Variants in NELL1 observed in about 807,000 individuals in gnomAD.
NELL1 encodes the protein neural EGFL like 1.
In NELL1, 76 loss-of-function variants were observed where a neutral mutation model predicts 107.4. The ratio of observed to expected loss-of-function variants is 0.71; its 90% CI spans 0.59 to 0.86. The LOEUF (loss-of-function observed/expected upper bound fraction) is 0.86, where lower values mean the gene tolerates loss of function less well. Ranked by LOEUF, NELL1 falls within the 40% of genes least tolerant of loss-of-function variation. NELL1 has a pLI of 0.00. For missense variants in NELL1, 1,024 were observed against 1,005.5 expected (o/e 1.02, Z -0.25); for synonymous variants, 353 against 341.2 (o/e 1.03, Z -0.38).
intron 7 of NELL1, among the ~76,000 whole-genome samples, chr11:20,926,549 A>G (rs1850500352): frequency 6.6e-6 from 1 of 152,212 alleles, no homozygotes. Flanking sequence ...ATGTTCCTCC[A>G]CTGGAGATGT....
chr11:21,455,775 G>C (rs2133864794), intron 15 of NELL1, among the ~76,000 whole-genome samples: 1 of 151,978 alleles, frequency 6.6e-6, no homozygotes, highest in East Asian at 1.9e-4. Context: ...CTCATCTTTG[G>C]AAAGATGCCA....
intron 12 of NELL1, among the ~76,000 whole-genome samples, chr11:20,967,106 T>C (rs573632359): frequency 6.6e-6 from 1 of 152,150 alleles, no homozygotes; most frequent in Non-Finnish European, 1.5e-5. Flanking sequence ...TTGCAAGATA[T>C]ATGCAGAAAT....
At chr11:21,547,280 C>T (rs12421934) in intron 16 of NELL1, among the ~76,000 whole-genome samples, 28,891 of 151,748 alleles carry the variant, frequency 0.19, 3,511 homozygotes, top group African/African-American at 0.34. Flanking sequence ...CAGGACGTGA[C>T]AGCAGCCTGA....
intron 15 of NELL1, among the ~76,000 whole-genome samples, chr11:21,450,695 C>G (rs118088051): frequency 6.6e-6 from 1 of 151,990 alleles, no homozygotes; most frequent in African/African-American, 2.4e-5. Flanking sequence ...GGAAGAAAGC[C>G]GAATCTGGAC....
intron 2 of NELL1, among the ~76,000 whole-genome samples, chr11:20,707,993 C>G (rs1367825534): frequency 6.6e-6 from 1 of 152,202 alleles, no homozygotes; most frequent in Non-Finnish European, 1.5e-5. Flanking sequence ...GTGGGCTCCA[C>G]CCAGTTGGAG....
intron 2 of NELL1, among the ~76,000 whole-genome samples, chr11:20,693,609 T>C (rs1033864756): frequency 6.6e-6 from 1 of 152,198 alleles, no homozygotes; most frequent in African/African-American, 2.4e-5. Flanking sequence ...CGTTGAATAT[T>C]GGCCCCCACT....
intron 5 of NELL1, among the ~76,000 whole-genome samples, chr11:20,903,142 A>G (rs2134134996): frequency 6.6e-6 from 1 of 152,222 alleles, no homozygotes; most frequent in East Asian, 1.9e-4. Flanking sequence ...GATAATCCAC[A>G]TATATATGTG....
chr11:21,122,981 G>A (rs966887138), intron 13 of NELL1, among the ~76,000 whole-genome samples: 4 of 152,230 alleles, frequency 2.6e-5, no homozygotes, highest in African/African-American at 7.2e-5. Context: ...CAGTATGATA[G>A]TTTTGGAACT....
At chr11:20,889,761 G>C (rs774942578) in intron 5 of NELL1, among the ~76,000 whole-genome samples, 1 of 152,304 alleles carries the variant, frequency 6.6e-6, no homozygotes, top group South Asian at 2.1e-4. Flanking sequence ...GCCCATCTGA[G>C]AGCCACACGG....
At chr11:21,561,801 C>T (rs1386315862) in intron 17 of NELL1, among the ~76,000 whole-genome samples, 2 of 151,964 alleles carry the variant, frequency 1.3e-5, no homozygotes, top group African/African-American at 2.4e-5. Context: ...GTGAGACATT[C>T]CTTCAAGGGG....
At chr11:21,096,893 T>C (rs1281122166) in intron 12 of NELL1, among the ~76,000 whole-genome samples, 1 of 151,952 alleles carries the variant, frequency 6.6e-6, no homozygotes, top group African/African-American at 2.4e-5. Flanking sequence ...TGTATTATTA[T>C]TATTTGTAGA....
chr11:21,346,628 A>T (rs1850688298), intron 14 of NELL1, among the ~76,000 whole-genome samples: 1 of 148,090 alleles, frequency 6.8e-6, no homozygotes, highest in Non-Finnish European at 1.5e-5. Context: ...GCTGTATCAA[A>T]TATATATTAA....
intron 2 of NELL1, among the ~76,000 whole-genome samples, chr11:20,723,161 C>A (rs1855431144): frequency 6.6e-6 from 1 of 152,050 alleles, no homozygotes; most frequent in African/African-American, 2.4e-5. Flanking sequence ...TGCCCCTGGC[C>A]CCTCCCAAAT....
chr11:21,332,806 T>C (rs1850302060), intron 14 of NELL1, among the ~76,000 whole-genome samples: 1 of 152,056 alleles, frequency 6.6e-6, no homozygotes. Context: ...ATTTTTTTAA[T>C]AATTTCTTCC....
At chr11:20,970,097 G>A (rs72939242) in intron 12 of NELL1, among the ~76,000 whole-genome samples, 24,065 of 148,322 alleles carry the variant, frequency 0.16, 2,280 homozygotes, top group East Asian at 0.25. Flanking sequence ...CCATCCATCC[G>A]TACTCTGAAC....
chr11:21,291,185 T>C (rs1251518760), intron 14 of NELL1, among the ~76,000 whole-genome samples: 2 of 152,104 alleles, frequency 1.3e-5, no homozygotes, highest in African/African-American at 4.8e-5. Context: ...CAGGAGAACT[T>C]TGTGAAGCAC....
chr11:21,077,013 G>A (rs1854152563), intron 12 of NELL1, among the ~76,000 whole-genome samples: 1 of 152,014 alleles, frequency 6.6e-6, no homozygotes, highest in Admixed American at 6.6e-5. Context: ...CGAGTCTCAG[G>A]TATTTCTTTA....
intron 5 of NELL1, among the ~76,000 whole-genome samples, chr11:20,907,983 A>T (rs888998727): frequency 2.0e-5 from 3 of 152,210 alleles, no homozygotes; most frequent in Non-Finnish European, 1.5e-5. Context: ...AGAGAAATGC[A>T]AATCAAAATG....
intron 4 of NELL1, among the ~76,000 whole-genome samples, chr11:20,882,822 G>A (rs979024345): frequency 7.2e-5 from 11 of 152,058 alleles, no homozygotes; most frequent in Non-Finnish European, 1.3e-4. Context: ...CCCATCTTGC[G>A]TATAGCTTTT....
Sources: allele counts gnomAD v4.1 joint callset (sites outside exome capture counted in the v4.1 genomes callset), GRCh38; gene constraint gnomAD v4.1.1; transcripts MANE v1.5; gene names NCBI Gene and HGNC (gene_info 2026-07-23, HGNC 2026-07-21).